MID1: variants seen among roughly 807,000 people sequenced by gnomAD.
MID1 encodes the protein E3 ubiquitin-protein ligase Midline-1.
MID1 carries 7 observed loss-of-function variants against 40.4 expected under a neutral mutation model. The ratio of observed to expected loss-of-function variants is 0.17; its 90% CI spans 0.10 to 0.33. The LOEUF (loss-of-function observed/expected upper bound fraction) is 0.33. Among genes scored for constraint, MID1 ranks in the 10% least tolerant of loss-of-function variants. The probability of loss-of-function intolerance (pLI) is 1.00; values close to 1 mark genes in which losing one functional copy is unlikely to be tolerated. For missense variants in MID1, 367 were observed against 558.5 expected, an observed-to-expected ratio of 0.66 and a Z score of 3.46; for synonymous variants, 229 against 221.2, an observed-to-expected ratio of 1.04 and a Z score of -0.31.
At chrX:10,560,395 T>G (rs778305739) in intron 2 of MID1, among the ~76,000 whole-genome samples, 1 of 111,212 alleles carries the variant, frequency 9.0e-6, no homozygotes. Flanking sequence ...GAGAAAGAAA[T>G]GATGGGTATT....
intron 1 of MID1, among the ~76,000 whole-genome samples, chrX:10,570,135 G>A (rs1934681849): frequency 1.8e-5 from 2 of 111,767 alleles, no homozygotes; most frequent in African/African-American, 6.5e-5. Context: ...GACTCAGACA[G>A]TGAGCTCACT....
chrX:10,760,257 G>A (rs762951045), intron 1 of MID1, among the ~76,000 whole-genome samples: 2 of 111,253 alleles, frequency 1.8e-5, no homozygotes, highest in Non-Finnish European at 3.8e-5. Flanking sequence ...ATTCTGCAAT[G>A]GTTACTGCAT....
chrX:10,601,171 T>C (rs1479425142), intron 1 of MID1, among the ~76,000 whole-genome samples: 1 of 112,525 alleles, frequency 8.9e-6, no homozygotes, highest in Non-Finnish European at 1.9e-5. Flanking sequence ...GTAGCATTAT[T>C]GCTTTAAGTT....
At chrX:10,607,860 G>GT (rs373149125) in intron 1 of MID1, among the ~76,000 whole-genome samples, 198 of 112,121 alleles carry the variant, frequency 1.8e-3, no homozygotes, top group African/African-American at 6.1e-3. Context: ...GCACAACACA[G>GT]TTTCTTTTTT....
chrX:10,576,520 C>A (rs1934875641), intron 1 of MID1, among the ~76,000 whole-genome samples: 2 of 111,474 alleles, frequency 1.8e-5, no homozygotes, highest in South Asian at 7.7e-4. Flanking sequence ...TACTTAAACA[C>A]TCCTTCTCGA....
intron 1 of MID1, among the ~76,000 whole-genome samples, chrX:10,635,882 T>C (rs1390674154): frequency 3.6e-5 from 4 of 112,207 alleles, no homozygotes; most frequent in East Asian, 2.8e-4. Context: ...CTCGTGAAGA[T>C]TGAAAGCAAT....
intron 1 of MID1, among the ~76,000 whole-genome samples, chrX:10,607,313 T>G (rs1237949256): frequency 1.8e-5 from 2 of 111,939 alleles, no homozygotes; most frequent in Non-Finnish European, 3.8e-5. Flanking sequence ...TTGCCCCCAG[T>G]AGACATTTTG....
intron 1 of MID1, among the ~76,000 whole-genome samples, chrX:10,739,947 G>C (rs1038591576): frequency 1.8e-5 from 2 of 112,242 alleles, no homozygotes; most frequent in Non-Finnish European, 3.8e-5. Flanking sequence ...CATCTGTTTT[G>C]AATACTTTCA....
Position 10,545,427 on chromosome X carries a change from G to A in MID1, c.660+21461C>T, listed in dbSNP as rs756537140. On this transcript the variant is annotated intron_variant, in intron 2 of 9. Transcript: ENST00000317552. ...TGTGGGATCTTGAACCCAGATGAACGAGACTTTCAACATATTGAAGGTTAT... is the reference window on the plus strand; with the variant it reads ...TGTGGGATCTTGAACCCAGATGAACAAGACTTTCAACATATTGAAGGTTAT... Among the ~76,000 whole-genome samples the A allele has an allele frequency of 5.4e-5, 6 of 112,070 alleles. No homozygotes were observed. The South Asian group carries it at 2.2e-3, about 42-fold the overall frequency.
At chrX:10,693,090 G>T (rs1189895040) in intron 1 of MID1, among the ~76,000 whole-genome samples, 1 of 110,937 alleles carries the variant, frequency 9.0e-6, no homozygotes, top group Non-Finnish European at 1.9e-5. Context: ...TTTCTATGAT[G>T]CCCCCTCTGA....
intron 1 of MID1, among the ~76,000 whole-genome samples, chrX:10,811,126 C>CA (rs1326936781): frequency 7.2e-5 from 8 of 111,616 alleles, no homozygotes; most frequent in Non-Finnish European, 1.5e-4. Context: ...CTTATGACAA[C>CA]AATGTCATCA....
At chrX:10,460,701 C>T in intron 7 of MID1, among the ~76,000 whole-genome samples, 1 of 110,774 alleles carries the variant, frequency 9.0e-6, no homozygotes, top group Non-Finnish European at 1.9e-5. Context: ...CCAGAGGACT[C>T]CAAAGCCACC....
chrX:10,607,482 G>A (rs531863514), intron 1 of MID1, among the ~76,000 whole-genome samples: 2 of 111,982 alleles, frequency 1.8e-5, no homozygotes, highest in Non-Finnish European at 3.8e-5. Context: ...TGCCAAAGTT[G>A]AGAAATCCTG....
intron 1 of MID1, among the ~76,000 whole-genome samples, chrX:10,568,238 T>C (rs1934627273): frequency 8.9e-6 from 1 of 112,017 alleles, no homozygotes; most frequent in African/African-American, 3.2e-5. Context: ...TTCACAAAGA[T>C]GATTGTGATA....
intron 1 of MID1, among the ~76,000 whole-genome samples, chrX:10,736,791 CCA>C (rs2043490692): frequency 8.9e-6 from 1 of 112,261 alleles, no homozygotes; most frequent in Non-Finnish European, 1.9e-5. Context: ...TTAACCTAAA[CCA>C]AGAGGTGGCA....
At chrX:10,623,496 TAA>T (rs1439563121), upstream of MID1, among the ~76,000 whole-genome samples, 1 of 111,806 alleles carries the variant, frequency 8.9e-6, no homozygotes, top group Admixed American at 9.5e-5. Context: ...GCCTAGTCGA[TAA>T]TCTTGTTAGT....
intron 2 of MID1, among the ~76,000 whole-genome samples, chrX:10,536,875 G>C (rs960919158): frequency 3.6e-5 from 4 of 111,909 alleles, no homozygotes; most frequent in Non-Finnish European, 7.5e-5. Flanking sequence ...TTTGTAATCA[G>C]GTCCCATTCT....
intron 1 of MID1, among the ~76,000 whole-genome samples, chrX:10,668,986 G>A (rs1371014351): frequency 1.8e-5 from 2 of 109,932 alleles, no homozygotes; most frequent in Non-Finnish European, 3.8e-5. Context: ...TTGGGAGGCC[G>A]AGGCGGGTGG....
At chrX:10,678,386 G>A (rs950278026) in intron 1 of MID1, among the ~76,000 whole-genome samples, 1 of 111,307 alleles carries the variant, frequency 9.0e-6, no homozygotes, top group African/African-American at 3.3e-5. Flanking sequence ...TTTGAATTTT[G>A]GATACAAACT....
Sources: gnomAD v4.1 joint callset for allele counts (sites outside exome capture counted in the v4.1 genomes callset) on GRCh38, gnomAD v4.1.1 for gene constraint, MANE v1.5 for transcripts, NCBI Gene and HGNC (gene_info 2026-07-23, HGNC 2026-07-21) for gene names.